The following JAM3 variants were observed in gnomAD, a reference collection of about 807,000 sequenced individuals.
JAM3 encodes junctional adhesion molecule 3.
Under a neutral mutation model 39.4 loss-of-function variants are expected in JAM3, and 31 were observed. That is an observed-to-expected ratio of 0.79 (90% CI 0.59 to 1.06). The LOEUF is 1.06. Ranked by LOEUF, JAM3 falls within the 50% of genes least tolerant of loss-of-function variation. The pLI is 0.00. For missense variants in JAM3, 455 were observed against 391.4 expected (o/e 1.16, Z -1.37); for synonymous variants, 182 against 148.7 (o/e 1.22, Z -1.63).
At chr11:134,147,490 TTAC>T (rs1388436016) in intron 6 of JAM3, among the ~76,000 whole-genome samples, 4 of 147,654 alleles carry the variant, frequency 2.7e-5, no homozygotes, top group African/African-American at 1.0e-4. Context: ...GATTGCAAGT[TTAC>T]TTTTTGTTTT....
intron 1 of JAM3, among the ~76,000 whole-genome samples, chr11:134,095,959 T>C (rs1941974675): frequency 6.6e-6 from 1 of 152,192 alleles, no homozygotes; most frequent in African/African-American, 2.4e-5. Context: ...GTACATGATG[T>C]CAGTTGCCAT....
At chr11:134,082,032 T>C (rs2120596549) in intron 1 of JAM3, among the ~76,000 whole-genome samples, 1 of 152,378 alleles carries the variant, frequency 6.6e-6, no homozygotes, top group Admixed American at 6.5e-5. Context: ...CAGACTTGCA[T>C]GGGGCCTATC....
intron 1 of JAM3, among the ~76,000 whole-genome samples, chr11:134,124,825 G>T (rs1037874784): frequency 1.3e-5 from 2 of 152,280 alleles, no homozygotes; most frequent in South Asian, 2.1e-4. Flanking sequence ...CGAAAACGCT[G>T]TGCTGAGCCC....
chr11:134,119,057 C>T (rs1942488579), intron 1 of JAM3, among the ~76,000 whole-genome samples: 1 of 151,138 alleles, frequency 6.6e-6, no homozygotes, highest in African/African-American at 2.4e-5. Flanking sequence ...CAGCCTTTAC[C>T]TCCTGGGTTC....
intron 1 of JAM3, among the ~76,000 whole-genome samples, chr11:134,130,178 A>AT (rs932846159): frequency 3.3e-5 from 5 of 152,198 alleles, no homozygotes; most frequent in African/African-American, 1.2e-4. Flanking sequence ...AAGCAATTAA[A>AT]TCCTGGGAAA....
intron 1 of JAM3, among the ~76,000 whole-genome samples, chr11:134,125,740 C>T (rs947818759): frequency 6.6e-6 from 1 of 152,164 alleles, no homozygotes; most frequent in Non-Finnish European, 1.5e-5. Context: ...GTTCAAGTCC[C>T]AGCAGCACTG....
chr11:134,135,416 T>C (rs577259690), intron 1 of JAM3, among the ~76,000 whole-genome samples: 7 of 152,356 alleles, frequency 4.6e-5, no homozygotes, highest in Middle Eastern at 3.4e-3. Context: ...ACTGTTTTGA[T>C]CATCTAGCTT....
intron 1 of JAM3, among the ~76,000 whole-genome samples, chr11:134,103,066 T>G (rs987081524): frequency 1.8e-4 from 28 of 152,124 alleles, no homozygotes; most frequent in Non-Finnish European, 4.0e-4. Flanking sequence ...ATTGCCAGAT[T>G]CACCAAAGTT....
chr11:134,136,253 C>T (rs1942863991), intron 1 of JAM3, among the ~76,000 whole-genome samples: 1 of 152,210 alleles, frequency 6.6e-6, no homozygotes, highest in Non-Finnish European at 1.5e-5. Flanking sequence ...TATGAGTATT[C>T]CTGTAGCACT....
intron 1 of JAM3, among the ~76,000 whole-genome samples, chr11:134,089,346 A>T (rs1941801196): frequency 6.6e-6 from 1 of 152,044 alleles, no homozygotes; most frequent in Non-Finnish European, 1.5e-5. Context: ...GTTTTAGGGT[A>T]CATGTGCACA....
At chr11:134,105,648 G>A (rs1942169425) in intron 1 of JAM3, among the ~76,000 whole-genome samples, 3 of 152,176 alleles carry the variant, frequency 2.0e-5, no homozygotes, top group Admixed American at 2.0e-4. Flanking sequence ...AGCAACTTCA[G>A]CAAAATCTCA....
chr11:134,092,508 C>G (rs1315994872), intron 1 of JAM3, among the ~76,000 whole-genome samples: 2 of 144,892 alleles, frequency 1.4e-5, no homozygotes, highest in East Asian at 2.1e-4. Flanking sequence ...AGGGAAGCTT[C>G]TCCTGAGCCC....
chr11:134,113,001 G>A (rs1287449438), intron 1 of JAM3, among the ~76,000 whole-genome samples: 4 of 152,132 alleles, frequency 2.6e-5, no homozygotes, highest in Non-Finnish European at 5.9e-5. Context: ...CATCAACAGA[G>A]CACTCCAGTC....
At chr11:134,107,992 G>GA (rs1174933403) in intron 1 of JAM3, among the ~76,000 whole-genome samples, 4 of 151,868 alleles carry the variant, frequency 2.6e-5, no homozygotes, top group Middle Eastern at 3.4e-3. Flanking sequence ...AAAAACAACA[G>GA]AAAAAAACCA....
At chr11:134,087,719 T>C (rs1171085833) in intron 1 of JAM3, among the ~76,000 whole-genome samples, 1 of 152,214 alleles carries the variant, frequency 6.6e-6, no homozygotes, top group Non-Finnish European at 1.5e-5. Context: ...TACACTATGC[T>C]CTCAGCAAGT....
intron 1 of JAM3, among the ~76,000 whole-genome samples, chr11:134,112,055 A>C (rs115843671): frequency 6.6e-6 from 1 of 152,170 alleles, no homozygotes; most frequent in African/African-American, 2.4e-5. Flanking sequence ...AAAACTGCCC[A>C]TCTCATATGG....
chr11:134,110,330 A>G (rs143167390), intron 1 of JAM3, among the ~76,000 whole-genome samples: 1 of 152,244 alleles, frequency 6.6e-6, no homozygotes, highest in Admixed American at 6.5e-5. Flanking sequence ...GAATGAAATC[A>G]TATGTTTATA....
At chr11:134,108,174 A>G (rs1942236830) in intron 1 of JAM3, among the ~76,000 whole-genome samples, 1 of 152,138 alleles carries the variant, frequency 6.6e-6, no homozygotes, top group Non-Finnish European at 1.5e-5. Context: ...TTTATGCTTA[A>G]ACATTTCACA....
rs1234388101 is a variant in JAM3, at chr11:134,110,401, C to T, written c.77-29450C>T. On this transcript the variant is annotated intron_variant, in intron 1 of 8. Transcript: ENST00000299106. ...TAAAAACTGGAAATAACCCAAATGC[C>T]CATCAATAGTAAATAAACATCTGGT... Among the ~76,000 whole-genome samples the T allele has an allele frequency of 3.9e-5, 6 of 152,084 alleles. No individual in the cohort carries two copies. In the South Asian group the frequency reaches 1.0e-3, roughly 26 times the overall value.
Sources: allele counts gnomAD v4.1 joint callset (sites outside exome capture counted in the v4.1 genomes callset), GRCh38; gene constraint gnomAD v4.1.1; transcripts MANE v1.5; gene names NCBI Gene and HGNC (gene_info 2026-07-23, HGNC 2026-07-21).